CELF4: variants seen among roughly 807,000 people sequenced by gnomAD.
CELF4 encodes CUG-BP- and ETR-3-like factor 4.
Under a neutral mutation model 59.9 loss-of-function variants are expected in CELF4, and 18 were observed. The ratio of observed to expected loss-of-function variants is 0.30; its 90% CI spans 0.21 to 0.45. CELF4 has a LOEUF of 0.45. Ranked by LOEUF, CELF4 falls within the 20% of genes least tolerant of loss-of-function variation. The pLI is 1.00. For synonymous variants in CELF4, 261 were observed against 267.1 expected (o/e 0.98, Z 0.22); for missense variants, 456 against 689.0 (o/e 0.66, Z 3.79).
At chr18:37,524,659 C>T (rs1304554385) in intron 1 of CELF4, among the ~76,000 whole-genome samples, 1 of 152,200 alleles carries the variant, frequency 6.6e-6, no homozygotes, top group Non-Finnish European at 1.5e-5. Context: ...TGGCGCCGTC[C>T]GCCCGCGGTG....
chr18:37,473,961 G>C (rs1431188429), intron 2 of CELF4: 4 of 152,244 alleles, frequency 2.6e-5, no homozygotes, highest in African/African-American at 9.7e-5. Flanking sequence ...GATGTCTCCT[G>C]GAGAGGGGAC....
intron 2 of CELF4, among the ~76,000 whole-genome samples, chr18:37,406,229 C>T (rs1005503407): frequency 6.2e-4 from 95 of 152,064 alleles, no homozygotes; most frequent in African/African-American, 2.1e-3. Context: ...TTAAAGGAGG[C>T]AAAGCAGTCA....
intron 2 of CELF4, among the ~76,000 whole-genome samples, chr18:37,344,699 C>T (rs769436446): frequency 1.3e-5 from 2 of 152,224 alleles, no homozygotes; most frequent in Non-Finnish European, 2.9e-5. Context: ...ATGCACTAAC[C>T]CCATGTTACA....
chr18:37,454,940 T>G (rs1264951649), intron 2 of CELF4, among the ~76,000 whole-genome samples: 1 of 152,160 alleles, frequency 6.6e-6, no homozygotes, highest in Non-Finnish European at 1.5e-5. Flanking sequence ...CACGAGGACA[T>G]GGGTCCCTAT....
At chr18:37,362,528 A>G (rs368221807) in intron 2 of CELF4, among the ~76,000 whole-genome samples, 22 of 152,140 alleles carry the variant, frequency 1.4e-4, no homozygotes, top group African/African-American at 5.1e-4. Flanking sequence ...GTGGTCAGAG[A>G]GCACAGTGCA....
chr18:37,373,090 T>C (rs2098922086), intron 2 of CELF4, among the ~76,000 whole-genome samples: 1 of 152,220 alleles, frequency 6.6e-6, no homozygotes, highest in African/African-American at 2.4e-5. Flanking sequence ...ATGTTACAGA[T>C]GAGACACCAA....
At chr18:37,462,882 C>A (rs2099797641) in intron 2 of CELF4, among the ~76,000 whole-genome samples, 2 of 151,384 alleles carry the variant, frequency 1.3e-5, no homozygotes, top group Admixed American at 6.6e-5. Context: ...AATTATTCTT[C>A]TTCCAATGTG....
intron 2 of CELF4, among the ~76,000 whole-genome samples, chr18:37,443,469 G>A (rs975226468): frequency 3.9e-5 from 6 of 152,136 alleles, no homozygotes; most frequent in African/African-American, 1.4e-4. Flanking sequence ...CAAGGTTTGA[G>A]AGAGCTCCCC....
chr18:37,462,637 G>A (rs1279073841), intron 2 of CELF4, among the ~76,000 whole-genome samples: 1 of 152,172 alleles, frequency 6.6e-6, no homozygotes, highest in Non-Finnish European at 1.5e-5. Flanking sequence ...CATGTTTGCT[G>A]GGAGAGGGGA....
In CELF4 at chr18:37,466,035, T is replaced by C. The variant is rs561324719; in HGVS notation, c.369+19490A>G. On this transcript the variant is annotated intron_variant, in intron 2 of 12. Transcript: ENST00000420428. ...CACTGTGGACCACATTTAACCGGGT[T>C]CCTTCTTCAGCTCGCCTCTGCCATC... Among the ~76,000 whole-genome samples, 100 of 152,274 alleles carry C rather than the reference T, an allele frequency of 6.6e-4. 1 individual carries two copies. Among genetic ancestry groups the C allele is most frequent in the Admixed American group, 1.9e-3 (29 of 15,300 alleles).
chr18:37,303,928 C>T (rs865960838), intron 3 of CELF4, among the ~76,000 whole-genome samples: 2 of 152,198 alleles, frequency 1.3e-5, no homozygotes, highest in African/African-American at 2.4e-5. Context: ...CTGGGGGTAG[C>T]ATCATAGGAG....
rs191148522 is a variant in CELF4, at chr18:37,365,057, G to A, written c.370-43176C>T. Among the ~76,000 whole-genome samples, 3 of 152,300 alleles carry A rather than the reference G, an allele frequency of 2.0e-5. No homozygotes were observed. In the East Asian group the frequency reaches 5.8e-4, roughly 29 times the overall value. The stretch of plus-strand genomic sequence containing the variant: ...TAGCAATGATGGGAGAGGTTGCTGG[G>A]AGAATGATTTATAGGATAGGATGGG... On this transcript the variant is annotated intron_variant, in intron 2 of 12. Coordinates refer to ENST00000420428, the MANE Select transcript of CELF4 (RefSeq NM_020180.4).
intron 2 of CELF4, among the ~76,000 whole-genome samples, chr18:37,390,802 C>CGGG (rs1557404633): frequency 1.4e-4 from 8 of 57,844 alleles, no homozygotes; most frequent in Non-Finnish European, 1.9e-4. Context: ...GGTGATGGGG[C>CGGG]GGGGAGGGGG....
intron 2 of CELF4, among the ~76,000 whole-genome samples, chr18:37,444,923 T>C (rs767830286): frequency 1.4e-4 from 22 of 152,230 alleles, no homozygotes; most frequent in African/African-American, 5.1e-4. Flanking sequence ...TGTTGGAACA[T>C]CCTGTGTGCG....
intron 3 of CELF4, among the ~76,000 whole-genome samples, chr18:37,313,808 C>G (rs902401930): frequency 6.6e-6 from 1 of 152,228 alleles, no homozygotes; most frequent in Non-Finnish European, 1.5e-5. Context: ...AGGATGCAAT[C>G]GGCCACGGGT....
At chr18:37,272,333 C>T (rs1408985992) in intron 7 of CELF4, among the ~76,000 whole-genome samples, 4 of 152,176 alleles carry the variant, frequency 2.6e-5, no homozygotes, top group African/African-American at 7.2e-5. Flanking sequence ...TCCCCACTCC[C>T]AGTTGTGACA....
chr18:37,365,219 T>G (rs2098760163), intron 2 of CELF4, among the ~76,000 whole-genome samples: 1 of 152,114 alleles, frequency 6.6e-6, no homozygotes, highest in South Asian at 2.1e-4. Context: ...CAGCTGCAGA[T>G]TCTTGAGCAG....
intron 2 of CELF4, among the ~76,000 whole-genome samples, chr18:37,351,768 G>A (rs560895963): frequency 1.1e-4 from 16 of 151,878 alleles, no homozygotes; most frequent in Non-Finnish European, 1.9e-4. Context: ...ACGCCACCAC[G>A]CCCTGCTAAT....
At chr18:37,545,771 C>CAT (rs1299314764) in intron 1 of CELF4, among the ~76,000 whole-genome samples, 1 of 151,976 alleles carries the variant, frequency 6.6e-6, no homozygotes, top group Non-Finnish European at 1.5e-5. Context: ...CACACACACA[C>CAT]ACACGGCCCT....
Sources: allele counts gnomAD v4.1 joint callset (sites outside exome capture counted in the v4.1 genomes callset), GRCh38; gene constraint gnomAD v4.1.1; transcripts MANE v1.5; gene names NCBI Gene and HGNC (gene_info 2026-07-23, HGNC 2026-07-21).